The following RNF111 variants were observed in gnomAD, a reference collection of about 807,000 sequenced individuals.
The protein encoded by RNF111 is ring finger protein 111.
A neutral mutation model predicts 95.1 loss-of-function variants in RNF111; 17 were observed. The observed-to-expected ratio is 0.18, with a 90% CI of 0.12 to 0.27. The LOEUF is 0.27. Ranked by LOEUF, RNF111 falls within the 10% of genes least tolerant of loss-of-function variation. The probability of loss-of-function intolerance (pLI) is 1.00; values close to 1 mark genes in which losing one functional copy is unlikely to be tolerated. For missense variants in RNF111, 1,189 were observed against 1,210.4 expected (o/e 0.98, Z 0.26); for synonymous variants, 440 against 414.8 (o/e 1.06, Z -0.74).
At chr15:59,027,178 T>C (rs1056648368) in intron 1 of RNF111, among the ~76,000 whole-genome samples, 1 of 152,184 alleles carries the variant, frequency 6.6e-6, no homozygotes, top group Non-Finnish European at 1.5e-5. Flanking sequence ...ACTTAGTAAT[T>C]ACGGATGAGG....
intron 1 of RNF111, among the ~76,000 whole-genome samples, chr15:59,009,880 C>G (rs1291390615): frequency 6.6e-6 from 1 of 152,088 alleles, no homozygotes; most frequent in Non-Finnish European, 1.5e-5. Flanking sequence ...CACTTGAGCC[C>G]AGGAAGTCAA....
At chr15:58,995,826 A>C (rs1371411331) in intron 1 of RNF111, among the ~76,000 whole-genome samples, 1 of 146,852 alleles carries the variant, frequency 6.8e-6, no homozygotes, top group South Asian at 2.1e-4. Context: ...AAGATGTTGC[A>C]AGCACATCTT....
chr15:59,089,777 T>C lies in RNF111; in HGVS notation c.2643+18T>C. The C allele has an allele frequency of 6.6e-7, 1 of 1,506,272 alleles. No individual in the cohort carries two copies. Among genetic ancestry groups the C allele is most frequent in the Non-Finnish European group, 9.2e-7 (1 of 1,082,186 alleles). 93.3% of individuals were successfully genotyped at this position (1,506,272 alleles called of 1,614,324 possible). Reference sequence around the variant, plus strand: ...ATTTTGAGGTATGTAATAAAATAAATGAATATGTTTGTCACAGTATCTTTA... The same window carrying C: ...ATTTTGAGGTATGTAATAAAATAAACGAATATGTTTGTCACAGTATCTTTA... On this transcript the variant is annotated intron_variant, in intron 11 of 13. Transcript: ENST00000348370.
At chr15:59,083,140 G>A (rs1301874136) in intron 8 of RNF111, among the ~76,000 whole-genome samples, 3 of 126,438 alleles carry the variant, frequency 2.4e-5, no homozygotes, top group East Asian at 2.5e-4. Flanking sequence ...AGATTCTGCC[G>A]CTTAAAAAAA....
At chr15:59,069,188 C>T (rs1000132149) in intron 6 of RNF111, among the ~76,000 whole-genome samples, 9 of 151,664 alleles carry the variant, frequency 5.9e-5, no homozygotes, top group Non-Finnish European at 1.0e-4. Flanking sequence ...GATGTCATTT[C>T]GGTTTTGGTA....
At chr15:59,035,281 C>A (rs745969875) in intron 2 of RNF111, among the ~76,000 whole-genome samples, 1 of 152,136 alleles carries the variant, frequency 6.6e-6, no homozygotes, top group African/African-American at 2.4e-5. Flanking sequence ...CTGCCCCTGC[C>A]GCTTCCAAAT....
intron 12 of RNF111, among the ~76,000 whole-genome samples, chr15:59,091,727 T>C (rs1187168393): frequency 6.6e-6 from 1 of 152,210 alleles, no homozygotes; most frequent in African/African-American, 2.4e-5. Context: ...GTCCCCAACC[T>C]TTTTGACACC....
At chr15:59,011,337 C>T (rs1327645814) in intron 1 of RNF111, among the ~76,000 whole-genome samples, 3 of 152,228 alleles carry the variant, frequency 2.0e-5, no homozygotes, top group African/African-American at 7.2e-5. Context: ...TTCTCACTAA[C>T]TGCTAGACTA....
intron 2 of RNF111, among the ~76,000 whole-genome samples, chr15:59,033,906 T>C (rs2041039800): frequency 6.6e-6 from 1 of 152,220 alleles, no homozygotes; most frequent in South Asian, 2.1e-4. Flanking sequence ...TGTTTTCTGG[T>C]TTCTGGACAA....
At chr15:58,991,653 G>A (rs2038823417) in intron 1 of RNF111, among the ~76,000 whole-genome samples, 1 of 152,210 alleles carries the variant, frequency 6.6e-6, no homozygotes, top group Non-Finnish European at 1.5e-5. Flanking sequence ...ACGATTTGGA[G>A]GAAGACTGCT....
At chr15:59,092,733 C>T (rs930927393) in intron 13 of RNF111, 93 bp downstream of exon 13, 16 of 1,257,220 alleles carry the variant, frequency 1.3e-5, no homozygotes, top group Non-Finnish European at 1.6e-5. Context: ...ATGGCTCACA[C>T]GTGTAATTCC....
intron 11 of RNF111, among the ~76,000 whole-genome samples, chr15:59,090,070 T>G (rs2079006677): frequency 1.3e-5 from 2 of 152,210 alleles, no homozygotes; most frequent in African/African-American, 4.8e-5. Context: ...GGAATGTTTT[T>G]GACTCAGCTA....
chr15:59,021,654 T>C (rs1347281120), intron 1 of RNF111, among the ~76,000 whole-genome samples: 2 of 152,132 alleles, frequency 1.3e-5, no homozygotes, highest in Non-Finnish European at 2.9e-5. Flanking sequence ...TTTTATAGAC[T>C]AAAAACAGTT....
At chr15:59,029,705 T>A (rs2040811072) in intron 1 of RNF111, among the ~76,000 whole-genome samples, 2 of 152,200 alleles carry the variant, frequency 1.3e-5, no homozygotes. Flanking sequence ...AAAACAAATC[T>A]GTGGTGTCAG....
intron 5 of RNF111, among the ~76,000 whole-genome samples, chr15:59,060,790 T>C (rs564302105): frequency 6.8e-6 from 1 of 146,308 alleles, no homozygotes; most frequent in South Asian, 2.2e-4. Context: ...TGTAGCATTA[T>C]TATTATTATT....
intron 1 of RNF111, among the ~76,000 whole-genome samples, chr15:58,999,694 AG>A (rs2039240408): frequency 6.6e-6 from 1 of 152,146 alleles, no homozygotes; most frequent in Non-Finnish European, 1.5e-5. Flanking sequence ...ACTTTCTAAT[AG>A]GGTAAGGGTA....
At chr15:59,061,769 C>T (rs1390095848) in intron 5 of RNF111, among the ~76,000 whole-genome samples, 1 of 152,210 alleles carries the variant, frequency 6.6e-6, no homozygotes, top group Non-Finnish European at 1.5e-5. Flanking sequence ...TTCCTTAGTA[C>T]ATGCACATGT....
intron 1 of RNF111, among the ~76,000 whole-genome samples, chr15:59,014,793 A>G (rs1027666820): frequency 7.4e-5 from 11 of 148,696 alleles, no homozygotes; most frequent in Admixed American, 4.7e-4. Flanking sequence ...GTCTTCCTCT[A>G]TGGACCACCT....
rs60350601 is a variant in RNF111 at position 58,996,649 on chromosome 15, CTTTTTTTTTTTTT to C, written c.-20+8598_-20+8610del. On this transcript the variant is annotated intron_variant, in intron 1 of 13. Coordinates refer to ENST00000348370, the MANE Select transcript of RNF111 (RefSeq NM_017610.8). ...GTGATTGAAAACTCATCAGTACTTTCTTTTTTTTTTTTTTTTTTTTTTTTTTTTTACCCAGGCA... is the reference window on the plus strand; with the variant it reads ...GTGATTGAAAACTCATCAGTACTTTCTTTTTTTTTTTTTTTTACCCAGGCA... 4.1e-4 allele frequency among the ~76,000 whole-genome samples: 41 copies of C among 100,808 alleles called. 1 individual carries two copies. Among genetic ancestry groups the C allele is most frequent in the African/African-American group, 1.0e-3 (26 of 25,622 alleles). 66.1% of individuals were successfully genotyped at this position (100,808 alleles called of 152,430 possible).
Sources: allele counts gnomAD v4.1 joint callset (sites outside exome capture counted in the v4.1 genomes callset), GRCh38; gene constraint gnomAD v4.1.1; transcripts MANE v1.5; gene names NCBI Gene and HGNC (gene_info 2026-07-23, HGNC 2026-07-21).